ZFHX3: variants seen among roughly 807,000 people sequenced by gnomAD.
ZFHX3 encodes the protein zinc finger homeobox protein 3.
Under a neutral mutation model 279.1 loss-of-function variants are expected in ZFHX3, and 42 were observed. The observed-to-expected ratio is 0.15, with a 90% CI of 0.12 to 0.19. ZFHX3 has a LOEUF of 0.19. ZFHX3 is among the 10% of genes least tolerant of loss of function. The pLI, the probability that ZFHX3 is intolerant of heterozygous loss-of-function variation, is 1.00. For synonymous variants in ZFHX3, 2,293 were observed against 1,957.8 expected, an observed-to-expected ratio of 1.17 and a Z score of -4.52; for missense variants, 4,981 against 4,754.0, an observed-to-expected ratio of 1.05 and a Z score of -1.40.
intron 1 of ZFHX3, among the ~76,000 whole-genome samples, chr16:73,006,353 C>T (rs1183511772): frequency 2.6e-5 from 4 of 152,066 alleles, no homozygotes; most frequent in Non-Finnish European, 2.9e-5. Context: ...TCAAGTGTGA[C>T]GGCTCAAGCC....
At chr16:72,833,064 C>T (rs958275558) in intron 4 of ZFHX3, among the ~76,000 whole-genome samples, 3 of 152,134 alleles carry the variant, frequency 2.0e-5, no homozygotes, top group African/African-American at 7.2e-5. Context: ...CAGCTCAGGC[C>T]CACGATGCTT....
At chr16:73,263,072 A>C (rs2013869481) in intron 4 of ZFHX3, among the ~76,000 whole-genome samples, 1 of 152,218 alleles carries the variant, frequency 6.6e-6, no homozygotes, top group Non-Finnish European at 1.5e-5. Context: ...GAGATAAATC[A>C]ATAAAATGCT....
At chr16:72,908,239 G>A (rs1427172113) in intron 3 of ZFHX3, among the ~76,000 whole-genome samples, 1 of 152,210 alleles carries the variant, frequency 6.6e-6, no homozygotes, top group African/African-American at 2.4e-5. Context: ...TCTGCAGTGA[G>A]AACATGGGAA....
intron 3 of ZFHX3, among the ~76,000 whole-genome samples, chr16:73,435,085 G>A (rs905339419): frequency 1.3e-5 from 2 of 152,150 alleles, no homozygotes; most frequent in African/African-American, 4.8e-5. Flanking sequence ...TGGCTGGCTG[G>A]CTGGCATTGT....
Position 72,957,463 on chromosome 16 carries a change from G to A in ZFHX3, c.2683C>T (p.Pro895Ser). ...GTCATGGCGGCCATGGGCCCGGCGGGATCCAGCTGGAATCCGCTCATCATG... is the reference window on the plus strand; with the variant it reads ...GTCATGGCGGCCATGGGCCCGGCGGAATCCAGCTGGAATCCGCTCATCATG... ...QFMMSGFQLDPAGPMAAMTPA... is the reference protein window; with the variant it reads ...QFMMSGFQLDSAGPMAAMTPA... Residue 895 changes from proline (P) to serine (S), a missense_variant, in exon 2 of 10, where the codon CCC becomes TCC. Around this residue, in one of 7 missense-constraint regions of ZFHX3, gnomAD observed 1,751 missense variants for 1,770.0 expected, o/e 0.99. Coordinates refer to ENST00000268489, the MANE Select transcript of ZFHX3 (RefSeq NM_006885.4). 1 of 1,613,578 alleles carries A rather than the reference G, an allele frequency of 6.2e-7. No individual in the cohort carries two copies.
chr16:73,187,637 AAAACGGGTCTCAT>A (rs1967942956), intron 5 of ZFHX3, among the ~76,000 whole-genome samples: 1 of 152,232 alleles, frequency 6.6e-6, no homozygotes, highest in Non-Finnish European at 1.5e-5. Context: ...TCTGGTAAAG[AAAACGGGTCTCAT>A]CCTCTAGACC....
At chr16:73,876,550 G>C (rs1439578435) in intron 1 of ZFHX3, among the ~76,000 whole-genome samples, 1 of 152,172 alleles carries the variant, frequency 6.6e-6, no homozygotes, top group East Asian at 1.9e-4. Context: ...ATTAGCTAAA[G>C]TACATTATCA....
At chr16:73,319,328 T>C (rs909088325) in intron 3 of ZFHX3, among the ~76,000 whole-genome samples, 2 of 152,008 alleles carry the variant, frequency 1.3e-5, no homozygotes, top group African/African-American at 2.4e-5. Flanking sequence ...CATTTTATCC[T>C]TTCAACATCC....
At chr16:73,337,226 C>A (rs1389730573) in intron 3 of ZFHX3, among the ~76,000 whole-genome samples, 2 of 152,188 alleles carry the variant, frequency 1.3e-5, no homozygotes, top group Non-Finnish European at 2.9e-5. Context: ...TCCATCCATT[C>A]CTAACCTCCC....
intron 1 of ZFHX3, among the ~76,000 whole-genome samples, chr16:73,729,768 G>A (rs145151513): frequency 2.6e-5 from 4 of 152,258 alleles, no homozygotes; most frequent in African/African-American, 9.6e-5. Context: ...GAAGACTTGA[G>A]GGTGGTCTCC....
At chr16:72,981,741 C>T (rs1962608788) in intron 1 of ZFHX3, among the ~76,000 whole-genome samples, 1 of 152,114 alleles carries the variant, frequency 6.6e-6, no homozygotes, top group Non-Finnish European at 1.5e-5. Context: ...TGCAAGCTCC[C>T]CAGAAGCACT....
intron 1 of ZFHX3, among the ~76,000 whole-genome samples, chr16:73,713,185 A>G (rs1403446379): frequency 1.3e-5 from 2 of 152,216 alleles, no homozygotes; most frequent in Non-Finnish European, 1.5e-5. Flanking sequence ...AATGCCTTCA[A>G]AGAACTGATT....
At chr16:73,840,718 G>T (rs1235253641) in intron 1 of ZFHX3, among the ~76,000 whole-genome samples, 1 of 152,144 alleles carries the variant, frequency 6.6e-6, no homozygotes, top group Non-Finnish European at 1.5e-5. Flanking sequence ...TACCCTGAGT[G>T]GTCCCACATT....
chr16:73,323,405 C>G (rs2015619923), intron 3 of ZFHX3, among the ~76,000 whole-genome samples: 1 of 152,010 alleles, frequency 6.6e-6, no homozygotes, highest in African/African-American at 2.4e-5. Flanking sequence ...TTCCTGAAGC[C>G]AAGGGAAAAG....
At chr16:73,070,710 G>T (rs1597146954) in intron 8 of ZFHX3, among the ~76,000 whole-genome samples, 8 of 148,090 alleles carry the variant, frequency 5.4e-5, no homozygotes. Flanking sequence ...TGACATCATT[G>T]TCTCTCTCTC....
chr16:72,946,949 T>C (rs1331880995), intron 3 of ZFHX3, among the ~76,000 whole-genome samples: 1 of 152,202 alleles, frequency 6.6e-6, no homozygotes, highest in Non-Finnish European at 1.5e-5. Flanking sequence ...CTGGCTCAGA[T>C]GTGACACTAA....
At chr16:73,186,634 T>C (rs773394689) in intron 5 of ZFHX3, among the ~76,000 whole-genome samples, 21 of 151,614 alleles carry the variant, frequency 1.4e-4, no homozygotes, top group Non-Finnish European at 2.9e-4. Flanking sequence ...CTTTTCTTCA[T>C]GAAAAACATA....
chr16:73,084,514 A>ATTTTT (rs34134596), intron 8 of ZFHX3, among the ~76,000 whole-genome samples: 13 of 92,644 alleles, frequency 1.4e-4, no homozygotes, highest in Non-Finnish European at 1.9e-4. Flanking sequence ...CTAGGACTAA[A>ATTTTT]TTTTTTTTTT....
At chr16:73,520,093 C>T (rs1188904566) in intron 2 of ZFHX3, among the ~76,000 whole-genome samples, 1 of 152,108 alleles carries the variant, frequency 6.6e-6, no homozygotes, top group Admixed American at 6.5e-5. Context: ...AATTTCACAC[C>T]AGGCACTTTT....
Sources: gnomAD v4.1 joint callset for allele counts (sites outside exome capture counted in the v4.1 genomes callset) on GRCh38, gnomAD v4.1.1 for gene constraint, gnomAD v4.1.1 regional missense constraint, MANE v1.5 for transcripts, NCBI Gene and HGNC (gene_info 2026-07-23, HGNC 2026-07-21) for gene names.